Variants in CTNNA3 observed in about 807,000 individuals in gnomAD.
CTNNA3 encodes the protein catenin alpha-3.
CTNNA3 carries 76 observed loss-of-function variants against 95.7 expected under a neutral mutation model. That is an observed-to-expected ratio of 0.79 (90% CI 0.66 to 0.96). CTNNA3 has a LOEUF of 0.96. Among genes scored for constraint, CTNNA3 ranks in the 40% least tolerant of loss-of-function variants. The pLI, the probability that CTNNA3 is intolerant of heterozygous loss-of-function variation, is 0.00. For synonymous variants in CTNNA3, 431 were observed against 374.4 expected (o/e 1.15, Z -1.74); for missense variants, 1,191 against 1,089.8 (o/e 1.09, Z -1.31).
rs530283320 is a variant in CTNNA3 at position 66,615,609 on chromosome 10, A to T, written c.1374+6083T>A. Among the ~76,000 whole-genome samples the T allele has an allele frequency of 2.0e-5, 3 of 152,114 alleles. No individual in the cohort carries two copies. In the East Asian group the frequency reaches 5.8e-4, roughly 29 times the overall value. On this transcript the variant is annotated intron_variant, in intron 10 of 17. Transcript: ENST00000433211. ...GTAAAAAACTATTATCTACTTTATTATTTCATAAATCAAATATTTCTGATA... is the reference window on the plus strand; with the variant it reads ...GTAAAAAACTATTATCTACTTTATTTTTTCATAAATCAAATATTTCTGATA...
At chr10:67,131,213 G>A (rs944928364) in intron 7 of CTNNA3, among the ~76,000 whole-genome samples, 8 of 151,956 alleles carry the variant, frequency 5.3e-5, no homozygotes, top group Non-Finnish European at 7.4e-5. Context: ...TGAGCCAAGA[G>A]GGTTGGGTTA....
chr10:66,726,692 G>A (rs2132653136), intron 9 of CTNNA3, among the ~76,000 whole-genome samples: 1 of 152,232 alleles, frequency 6.6e-6, no homozygotes, highest in African/African-American at 2.4e-5. Flanking sequence ...TATTTCAAGA[G>A]TTGTTGCCAG....
chr10:67,337,961 T>C (rs921670427), intron 5 of CTNNA3, among the ~76,000 whole-genome samples: 1 of 152,208 alleles, frequency 6.6e-6, no homozygotes, highest in Non-Finnish European at 1.5e-5. Flanking sequence ...ATATTTGCTT[T>C]ATTGCAGTAG....
intron 2 of CTNNA3, among the ~76,000 whole-genome samples, chr10:67,626,213 A>C (rs1838951034): frequency 6.6e-6 from 1 of 150,710 alleles, no homozygotes. Context: ...TGAATTACTT[A>C]TTTTGAATTT....
intron 6 of CTNNA3, among the ~76,000 whole-genome samples, chr10:67,215,915 C>CACTAGTTTGGA (rs1406303864): frequency 6.6e-6 from 1 of 152,128 alleles, no homozygotes. Flanking sequence ...GGTGTTGGCT[C>CACTAGTTTGGA]ACTAGTTTGG....
In CTNNA3 at chr10:67,590,672, T is replaced by C. The variant is rs575876420; in HGVS notation, c.292+16185A>G. ...ACATCTCTTTATATTCTTATTGATG[T>C]CATGTGTATACTCTTCTGTGAAATT... On this transcript the variant is annotated intron_variant, in intron 3 of 17. Transcript: ENST00000433211. 3.3e-5 allele frequency among the ~76,000 whole-genome samples: 5 copies of C among 152,256 alleles called. No individual in the cohort carries two copies. The East Asian group carries it at 7.7e-4, about 23-fold the overall frequency.
chr10:67,301,257 G>A (rs1179047891), intron 5 of CTNNA3, among the ~76,000 whole-genome samples: 2 of 152,224 alleles, frequency 1.3e-5, no homozygotes, highest in East Asian at 3.9e-4. Context: ...ATAAGAAGAA[G>A]CCAGGGACTC....
intron 7 of CTNNA3, among the ~76,000 whole-genome samples, chr10:66,961,607 A>G (rs987922994): frequency 6.6e-6 from 1 of 152,070 alleles, no homozygotes; most frequent in Non-Finnish European, 1.5e-5. Context: ...TAGTGATTTC[A>G]TCAATACTAC....
chr10:67,729,148 G>C (rs932734199), intron 1 of CTNNA3, among the ~76,000 whole-genome samples: 3 of 152,076 alleles, frequency 2.0e-5, no homozygotes, highest in African/African-American at 7.2e-5. Flanking sequence ...TTTAAAAGCA[G>C]ACTCTGGCCC....
chr10:66,843,182 C>T (rs1843126919), intron 7 of CTNNA3, among the ~76,000 whole-genome samples: 1 of 152,104 alleles, frequency 6.6e-6, no homozygotes, highest in Non-Finnish European at 1.5e-5. Context: ...AAAGAGGGTC[C>T]AAAACCTGAC....
intron 5 of CTNNA3, among the ~76,000 whole-genome samples, chr10:67,483,727 G>A (rs998011322): frequency 4.7e-5 from 7 of 148,656 alleles, no homozygotes; most frequent in Admixed American, 3.4e-4. Context: ...CCTGCACATT[G>A]TGCACATGTA....
intron 7 of CTNNA3, among the ~76,000 whole-genome samples, chr10:66,935,314 T>C (rs904539761): frequency 6.6e-6 from 1 of 152,032 alleles, no homozygotes; most frequent in Non-Finnish European, 1.5e-5. Flanking sequence ...GGTACAACAG[T>C]GAAAATAGTT....
At chr10:67,423,951 A>G (rs1486131569) in intron 5 of CTNNA3, among the ~76,000 whole-genome samples, 1 of 152,186 alleles carries the variant, frequency 6.6e-6, no homozygotes, top group African/African-American at 2.4e-5. Flanking sequence ...ATATATTCTA[A>G]ATTTCAAACA....
intron 11 of CTNNA3, among the ~76,000 whole-genome samples, chr10:66,498,544 T>C (rs1402091060): frequency 1.3e-5 from 2 of 152,186 alleles, no homozygotes; most frequent in Non-Finnish European, 2.9e-5. Context: ...CCACATTTCG[T>C]ATCACTTGTT....
rs75031340 is a variant in CTNNA3 at position 67,285,090 on chromosome 10, T to C, written c.580-65220A>G. 0.018 allele frequency among the ~76,000 whole-genome samples: 2,788 copies of C among 152,338 alleles called. 233 individuals carry two copies. In the East Asian group the frequency reaches 0.25, roughly 14 times the overall value. On this transcript the variant is annotated intron_variant, in intron 5 of 17. Transcript: ENST00000433211. ...GATATTTACTCATTTCTCTGAGCTA[T>C]CATGTATATAGAAAGTACACGTTAT...
chr10:67,711,053 C>A (rs1038972299), intron 1 of CTNNA3, among the ~76,000 whole-genome samples: 1 of 152,198 alleles, frequency 6.6e-6, no homozygotes, highest in Admixed American at 6.5e-5. Context: ...TGCACAAGTT[C>A]TTTTCTCTTG....
chr10:67,265,938 A>C (rs1484910480), intron 5 of CTNNA3, among the ~76,000 whole-genome samples: 2 of 152,212 alleles, frequency 1.3e-5, no homozygotes, highest in Non-Finnish European at 2.9e-5. Context: ...AAAATGAAAC[A>C]GATCAATCGA....
rs755323657 is a variant in CTNNA3, at chr10:67,219,828, G to A, written c.622C>T (p.Arg208Ter). 2.9e-5 allele frequency: 47 copies of A among 1,612,780 alleles called. No homozygotes were observed. Among genetic ancestry groups the A allele is most frequent in the African/African-American group, 4.0e-5 (3 of 74,866 alleles). ...GGAGAGTTCTCCTTCAGTGAAGCTC[G>A]GGCTCCTGCAATTTCATCTCTCTGA... The part of the protein sequence containing the change: ...PNQRDEIAGA[R>*]ASLKENSPLL... The change falls in exon 6 of 18, where the codon CGA (arginine) becomes TGA (stop). Residue 208 changes from arginine to a stop codon, truncating the protein, a stop_gained. Transcript: ENST00000433211. LOFTEE classifies it high-confidence loss of function.
chr10:66,584,140 G>A (rs1311110813), intron 10 of CTNNA3, among the ~76,000 whole-genome samples: 1 of 151,880 alleles, frequency 6.6e-6, no homozygotes, highest in Non-Finnish European at 1.5e-5. Context: ...CTGATGAGAA[G>A]AATGTATATT....
Sources: gnomAD v4.1 joint callset for allele counts (sites outside exome capture counted in the v4.1 genomes callset) on GRCh38, gnomAD v4.1.1 for gene constraint, MANE v1.5 for transcripts, NCBI Gene and HGNC (gene_info 2026-07-23, HGNC 2026-07-21) for gene names.